HERC2: variants seen among roughly 807,000 people sequenced by gnomAD.
HERC2 encodes E3 ubiquitin-protein ligase HERC2.
A neutral mutation model predicts 537.7 loss-of-function variants in HERC2; 102 were observed. That is an observed-to-expected ratio of 0.19 (90% CI 0.16 to 0.22). HERC2 has a LOEUF of 0.22. HERC2 is among the 10% of genes least tolerant of loss of function. HERC2 has a pLI of 1.00. For synonymous variants in HERC2, 2,224 were observed against 2,466.2 expected, an observed-to-expected ratio of 0.90 and a Z score of 2.91; for missense variants, 4,236 against 6,198.2, an observed-to-expected ratio of 0.68 and a Z score of 10.63.
rs138535006 is a variant in HERC2, at chr15:28,144,595, T to A, written c.11140+78A>T. 40 of 1,569,202 alleles carry A rather than the reference T, an allele frequency of 2.5e-5. No individual in the cohort carries two copies. The East Asian group carries it at 8.5e-4, about 33-fold the overall frequency. ...CAGGCTGTCAGGCACTACGTGGACA[T>A]GTGCACGTGTCCCTGTTGCTCCAGA... is the stretch of plus-strand genomic sequence containing the variant. On this transcript the variant is annotated intron_variant, in intron 72 of 92. Coordinates refer to ENST00000261609, the MANE Select transcript of HERC2 (RefSeq NM_004667.6).
intron 79 of HERC2, among the ~76,000 whole-genome samples, chr15:28,133,599 G>T (rs893414482): frequency 4.6e-5 from 7 of 152,054 alleles, no homozygotes; most frequent in African/African-American, 1.7e-4. Context: ...CATGACTATG[G>T]TTCATTTTGA....
chr15:28,249,816 T>A (rs1212327924), intron 20 of HERC2, among the ~76,000 whole-genome samples: 1 of 111,618 alleles, frequency 9.0e-6, no homozygotes, highest in Non-Finnish European at 1.6e-5. Flanking sequence ...CCAAGCTAAC[T>A]TTTTTTTTTT....
intron 31 of HERC2, among the ~76,000 whole-genome samples, chr15:28,230,064 G>C (rs918205521): frequency 6.6e-6 from 1 of 152,174 alleles, no homozygotes; most frequent in Non-Finnish European, 1.5e-5. Context: ...GGCATACAAA[G>C]CTAAGTTATG....
chr15:28,198,577 G>T (rs757673157), intron 49 of HERC2, 24 bp downstream of exon 49: 2 of 1,609,920 alleles, frequency 1.2e-6, no homozygotes, highest in South Asian at 1.1e-5. Flanking sequence ...AAAAACAAAA[G>T]CACTGAACAA....
Position 28,162,548 on chromosome 15 carries a change from T to TA in HERC2, c.10746+545dup, listed in dbSNP as rs1045320805. Among the ~76,000 whole-genome samples the TA allele has an allele frequency of 7.9e-5, 12 of 152,232 alleles. 1 individual carries two copies. Among genetic ancestry groups the TA allele is most frequent in the African/African-American group, 2.9e-4 (12 of 41,540 alleles). ...TAAGACATATGATAGAAAAGGGACT[T>TA]AAAGAACTTTGACAAATCATTTTAA... is the stretch of plus-strand genomic sequence containing the variant. On this transcript the variant is annotated intron_variant, in intron 69 of 92. Coordinates refer to ENST00000261609, the MANE Select transcript of HERC2 (RefSeq NM_004667.6).
intron 45 of HERC2, among the ~76,000 whole-genome samples, chr15:28,204,697 C>G (rs1267068596): frequency 6.6e-6 from 1 of 150,532 alleles, no homozygotes; most frequent in East Asian, 1.9e-4. Flanking sequence ...AAATGAGAGC[C>G]AAATGGAAAT....
At chr15:28,147,409 G>A (rs886150293) in intron 70 of HERC2, among the ~76,000 whole-genome samples, 11 of 152,128 alleles carry the variant, frequency 7.2e-5, no homozygotes, top group African/African-American at 2.2e-4. Flanking sequence ...CAGGCAGCTT[G>A]TTTGAGCTCA....
Position 28,122,762 on chromosome 15 carries a change from G to A in HERC2, c.13188+1275C>T, listed in dbSNP as rs984140591. On this transcript the variant is annotated intron_variant, in intron 85 of 92. Transcript: ENST00000261609. This position sits in a 1 kb window ranked among gnomAD's most constrained non-coding sequence, Gnocchi z 4.1. Reference sequence around the variant, plus strand: ...ATTCCCTGACCAGAGGTACCTTTCAGACGCCCTCAGCACTCCCCTGCTCTC... The same window carrying A: ...ATTCCCTGACCAGAGGTACCTTTCAAACGCCCTCAGCACTCCCCTGCTCTC... Among the ~76,000 whole-genome samples the A allele has an allele frequency of 6.6e-6, 1 of 152,042 alleles. No homozygotes were observed. The highest frequency in any genetic ancestry group is 2.4e-5 in the African/African-American group (1 of 41,396).
At chr15:28,158,085 A>C (rs1163934534) in intron 69 of HERC2, among the ~76,000 whole-genome samples, 2 of 152,180 alleles carry the variant, frequency 1.3e-5, no homozygotes, top group African/African-American at 2.4e-5. Context: ...GTTTGATGGC[A>C]CTATGGTCTG....
intron 2 of HERC2, among the ~76,000 whole-genome samples, chr15:28,300,170 T>C (rs1248191841): frequency 3.4e-5 from 5 of 147,008 alleles, no homozygotes; most frequent in African/African-American, 5.1e-5. Context: ...TACGGGGAAA[T>C]GGGGAGGGGA....
intron 3 of HERC2, among the ~76,000 whole-genome samples, chr15:28,294,055 T>C (rs2141154644): frequency 6.6e-6 from 1 of 152,316 alleles, no homozygotes; most frequent in South Asian, 2.1e-4. Flanking sequence ...AATGACTATC[T>C]AAAAATCTCG....
intron 88 of HERC2, among the ~76,000 whole-genome samples, chr15:28,116,127 A>G (rs959890586): frequency 3.9e-5 from 6 of 152,220 alleles, no homozygotes; most frequent in Admixed American, 6.5e-5. Context: ...CACCACCGTC[A>G]GGCCCTCAAT....
intron 20 of HERC2, among the ~76,000 whole-genome samples, chr15:28,252,994 G>A (rs2075132611): frequency 1.3e-5 from 2 of 152,208 alleles, no homozygotes; most frequent in Non-Finnish European, 1.5e-5. Flanking sequence ...CCTGCTCTGT[G>A]CTCGGCTGCC....
intron 79 of HERC2, among the ~76,000 whole-genome samples, chr15:28,133,514 T>A (rs1890315202): frequency 6.6e-6 from 1 of 152,222 alleles, no homozygotes; most frequent in African/African-American, 2.4e-5. Flanking sequence ...AAAAATCTTT[T>A]CTGACCTAAA....
intron 2 of HERC2, among the ~76,000 whole-genome samples, chr15:28,307,099 T>C (rs1403279146): frequency 1.3e-5 from 2 of 152,224 alleles, no homozygotes; most frequent in African/African-American, 2.4e-5. Flanking sequence ...CCTCCCAAAG[T>C]GCTGGGATTA....
intron 75 of HERC2, 111 bp downstream of exon 75, chr15:28,142,716 C>T: frequency 8.3e-7 from 1 of 1,200,028 alleles, no homozygotes; most frequent in South Asian, 1.5e-5. Context: ...TTCAGCAATA[C>T]CTACAGCTGC....
At chr15:28,238,017 C>T (rs1902643756) in intron 25 of HERC2, 97 bp downstream of exon 25, 3 of 858,390 alleles carry the variant, frequency 3.5e-6, no homozygotes, top group Non-Finnish European at 6.1e-6. Flanking sequence ...CACAAAAGAC[C>T]CAGATATCAG....
At chr15:28,310,842 C>G (rs1321950067) in intron 2 of HERC2, among the ~76,000 whole-genome samples, 1 of 152,030 alleles carries the variant, frequency 6.6e-6, no homozygotes, top group Non-Finnish European at 1.5e-5. Context: ...CTTTGGGAGG[C>G]CGAAGCGGGT....
chr15:28,167,280 C>G (rs1894239685), intron 68 of HERC2, among the ~76,000 whole-genome samples: 1 of 152,188 alleles, frequency 6.6e-6, no homozygotes, highest in Non-Finnish European at 1.5e-5. Flanking sequence ...CTAATGGAGG[C>G]ACTGAAAAGA....
Sources: allele counts gnomAD v4.1 joint callset (sites outside exome capture counted in the v4.1 genomes callset), GRCh38; gene constraint gnomAD v4.1.1; non-coding constraint Gnocchi (gnomAD v3.1); transcripts MANE v1.5; gene names NCBI Gene and HGNC (gene_info 2026-07-23, HGNC 2026-07-21).